The following ONECUT1 variants were observed in gnomAD, a reference collection of about 807,000 sequenced individuals.
ONECUT1 encodes one cut homeobox 1.
In ONECUT1, 12 loss-of-function variants were observed where a neutral mutation model predicts 25.6. That is an observed-to-expected ratio of 0.47 (90% CI 0.30 to 0.76). ONECUT1 has a LOEUF of 0.76. Ranked by LOEUF, ONECUT1 falls within the 30% of genes least tolerant of loss-of-function variation. The pLI is 0.07. For missense variants in ONECUT1, 620 were observed against 651.2 expected (o/e 0.95, Z 0.52); for synonymous variants, 285 against 270.2 (o/e 1.05, Z -0.54).
chr15:52,772,197 A>G (rs1263930014), intron 1 of ONECUT1, among the ~76,000 whole-genome samples: 1 of 152,126 alleles, frequency 6.6e-6, no homozygotes, highest in African/African-American at 2.4e-5. Context: ...GATCGAGACC[A>G]TCCTGGCTAA....
At chr15:52,778,428 C>T (rs2083818319) in intron 1 of ONECUT1, among the ~76,000 whole-genome samples, 1 of 152,148 alleles carries the variant, frequency 6.6e-6, no homozygotes, top group African/African-American at 2.4e-5. Context: ...TATGAATTTA[C>T]CTATAATATA....
chr15:52,761,199 G>A (rs2083703885), intron 1 of ONECUT1, among the ~76,000 whole-genome samples: 1 of 152,130 alleles, frequency 6.6e-6, no homozygotes, highest in Non-Finnish European at 1.5e-5. Flanking sequence ...CATATAATTG[G>A]ATGAGGCTAT....
rs144297677 is a variant in ONECUT1 at position 52,786,171 on chromosome 15, T to C, written c.1105+2609A>G. Among the ~76,000 whole-genome samples the C allele has an allele frequency of 8.9e-3, 1,356 of 152,352 alleles. 24 individuals are homozygous for C. The highest frequency in any genetic ancestry group is 0.029 in the African/African-American group (1,221 of 41,574). ...CAATCCATTTTAAGGCTCATGCACTTGGCCCGTTAGAGATCATTTGGAAAG... is the reference window on the plus strand; with the variant it reads ...CAATCCATTTTAAGGCTCATGCACTCGGCCCGTTAGAGATCATTTGGAAAG... On this transcript the variant is annotated intron_variant, in intron 1 of 1. Coordinates refer to ENST00000305901, the MANE Select transcript of ONECUT1 (RefSeq NM_004498.4).
At chr15:52,787,598 C>T (rs2083884619) in intron 1 of ONECUT1, among the ~76,000 whole-genome samples, 5 of 127,272 alleles carry the variant, frequency 3.9e-5, no homozygotes, top group South Asian at 2.8e-4. Flanking sequence ...AAGGCTCAGG[C>T]CTGGGCGCTG....
intron 1 of ONECUT1, among the ~76,000 whole-genome samples, chr15:52,778,794 C>G (rs866468339): frequency 1.4e-4 from 22 of 152,150 alleles, no homozygotes; most frequent in Admixed American, 7.9e-4. Context: ...CTAAGCTTCC[C>G]CATGGATAGA....
chr15:52,764,872 G>T (rs1183023671), intron 1 of ONECUT1, among the ~76,000 whole-genome samples: 1 of 152,196 alleles, frequency 6.6e-6, no homozygotes, highest in African/African-American at 2.4e-5. Flanking sequence ...GTCACGCAAG[G>T]GGTGTCTTGC....
At chr15:52,786,015 G>A (rs1179642850) in intron 1 of ONECUT1, 3 of 152,230 alleles carry the variant, frequency 2.0e-5, no homozygotes, top group Non-Finnish European at 2.9e-5. Context: ...ACCTCGCAAG[G>A]TGGTTGGAAC....
Position 52,784,991 on chromosome 15 carries a change from C to G in ONECUT1, c.1105+3789G>C, listed in dbSNP as rs941212017. On this transcript the variant is annotated intron_variant, in intron 1 of 1. Transcript: ENST00000305901. The surrounding 1 kb of genome is among the most constrained non-coding windows in gnomAD (Gnocchi z 5.0). ...CAGCTGCGCGACACCAGACCCACAG[C>G]GCCAAGACGCGAAGCGCGAGGAAAC... 1.3e-5 allele frequency among the ~76,000 whole-genome samples: 2 copies of G among 152,226 alleles called. No individual in the cohort carries two copies. Among genetic ancestry groups the G allele is most frequent in the Admixed American group, 6.5e-5 (1 of 15,292 alleles).
At position 52,756,710 on chromosome 15, in the gene ONECUT1, G is replaced by A. The variant is rs1368728565; in HGVS notation, c.*845C>T. Among the ~76,000 whole-genome samples the A allele has an allele frequency of 1.3e-5, 2 of 152,156 alleles. No individual in the cohort carries two copies. On this transcript the variant is annotated 3_prime_UTR_variant, in exon 2 of 2. Transcript: ENST00000305901. The stretch of plus-strand genomic sequence containing the variant: ...AACTCATATTTCAAATGCTTCAAGA[G>A]TCATAAATAATAGTCATGATTCTAT...
Position 52,789,473 on chromosome 15 carries a change from G to C in ONECUT1, c.412C>G (p.His138Asp). The C allele has an allele frequency of 6.2e-7, 1 of 1,613,158 alleles. No individual in the cohort carries two copies. The highest frequency in any genetic ancestry group is 8.5e-7 in the Non-Finnish European group (1 of 1,179,658). Residue 138 changes from histidine (H) to aspartate (D), a missense_variant, in exon 1 of 2, where the codon CAC (histidine) becomes GAC (aspartate). By Grantham distance (81) the His-to-Asp change is moderately conservative (BLOSUM62 -1). Transcript: ENST00000305901. This position sits in a 1 kb window ranked among gnomAD's most constrained non-coding sequence, Gnocchi z 4.1. ...CTCACGTTGCCCGCCAGGCGCTGGT[G>C]GTGGTGCGGGTGGTGGTGGTGATGG... ...HHHHHHHPHH[H>D]QRLAGNVSGS...
At chr15:52,775,010 C>T (rs768165056) in intron 1 of ONECUT1, among the ~76,000 whole-genome samples, 4 of 152,018 alleles carry the variant, frequency 2.6e-5, no homozygotes, top group East Asian at 1.9e-4. Context: ...GCTAACATGG[C>T]GAAACTCTGT....
chr15:52,772,245 T>A (rs897935438), intron 1 of ONECUT1, among the ~76,000 whole-genome samples: 1 of 151,950 alleles, frequency 6.6e-6, no homozygotes, highest in African/African-American at 2.4e-5. Context: ...ATACAAAAAA[T>A]TAGCTGGGCG....
rs1399336866 is a variant in ONECUT1 at position 52,757,567 on chromosome 15, A to G, written c.1386T>C (p.Cys462=). 1.2e-6 allele frequency: 2 copies of G among 1,612,940 alleles called. No homozygotes were observed. The highest frequency in any genetic ancestry group is 2.2e-5 in the South Asian group (2 of 90,938). Reference sequence around the variant, plus strand: ...TGTGGTTCTTCCTTCATGCTTTGGTACAAGTGCTTGATGAAGAAGATGAGT... The same window carrying G: ...TGTGGTTCTTCCTTCATGCTTTGGTGCAAGTGCTTGATGAAGAAGATGAGT... ...SGNSSSSSST[C]TKA is the part of the protein sequence containing the mutation. The change falls in exon 2 of 2, where the codon TGT becomes TGC. Residue 462 remains cysteine, a synonymous_variant. Coordinates refer to ENST00000305901, the MANE Select transcript of ONECUT1 (RefSeq NM_004498.4).
chr15:52,790,315 G>A lies in ONECUT1; in HGVS notation c.-431C>T, dbSNP rs1258558543. On this transcript the variant is annotated 5_prime_UTR_variant, in exon 1 of 2. The change creates a premature stop within an existing upstream ORF in the 5' untranslated region. Transcript: ENST00000305901. ...GCCTGCCCGCCCCGCTGGCCAGCTT[G>A]AGCCATGGCTCTGTTACTGTTACAG... is the stretch of plus-strand genomic sequence containing the variant. 1.3e-5 allele frequency among the ~76,000 whole-genome samples: 2 copies of A among 151,178 alleles called. No individual in the cohort carries two copies. The highest frequency in any genetic ancestry group is 3.0e-5 in the Non-Finnish European group (2 of 67,680).
At chr15:52,768,019 G>A (rs2083744947) in intron 1 of ONECUT1, among the ~76,000 whole-genome samples, 1 of 152,144 alleles carries the variant, frequency 6.6e-6, no homozygotes. Context: ...GTCGAATGAT[G>A]GTTACCAGAG....
At chr15:52,785,570 T>A (rs2083869233) in intron 1 of ONECUT1, among the ~76,000 whole-genome samples, 1 of 152,214 alleles carries the variant, frequency 6.6e-6, no homozygotes, top group South Asian at 2.1e-4. Flanking sequence ...TGTGTGTCGC[T>A]GTCTCTTTCC....
intron 1 of ONECUT1, among the ~76,000 whole-genome samples, chr15:52,777,724 ACACACACACACAC>A (rs1566992322): frequency 2.5e-5 from 3 of 118,272 alleles, no homozygotes; most frequent in African/African-American, 1.5e-4. Context: ...ACACACACAC[ACACACACACACAC>A]AAAAAAACAT....
intron 1 of ONECUT1, chr15:52,787,120 CA>C (rs1317121526): frequency 6.6e-6 from 1 of 152,278 alleles, no homozygotes; most frequent in Non-Finnish European, 1.5e-5. Context: ...GTGCCGGTAG[CA>C]CAAGAGCTAG....
chr15:52,766,544 C>T (rs2083735571), intron 1 of ONECUT1, among the ~76,000 whole-genome samples: 1 of 152,164 alleles, frequency 6.6e-6, no homozygotes, highest in Admixed American at 6.5e-5. Flanking sequence ...GTTTGGCCTT[C>T]CAGGAAAGTG....
Sources: gnomAD v4.1 joint callset for allele counts (sites outside exome capture counted in the v4.1 genomes callset) on GRCh38, gnomAD v4.1.1 for gene constraint, Gnocchi (gnomAD v3.1) non-coding constraint, MANE v1.5 for transcripts, NCBI Gene and HGNC (gene_info 2026-07-23, HGNC 2026-07-21) for gene names.